Variants in TMEFF2 observed in about 807,000 individuals in gnomAD.
TMEFF2 encodes the protein transmembrane protein with EGF like and two follistatin like domains 2.
In TMEFF2, 28 loss-of-function variants were observed where a neutral mutation model predicts 53.8. The ratio of observed to expected loss-of-function variants is 0.52; its 90% CI spans 0.39 to 0.71. TMEFF2 has a LOEUF of 0.71. TMEFF2 is among the 30% of genes least tolerant of loss of function. The pLI, the probability that TMEFF2 is intolerant of heterozygous loss-of-function variation, is 0.00. For synonymous variants in TMEFF2, 162 were observed against 166.3 expected (o/e 0.97, Z 0.20); for missense variants, 353 against 455.2 (o/e 0.78, Z 2.04).
intron 7 of TMEFF2, among the ~76,000 whole-genome samples, chr2:191,979,302 A>T (rs1685802862): frequency 6.6e-6 from 1 of 152,186 alleles, no homozygotes; most frequent in Non-Finnish European, 1.5e-5. Context: ...CAAATACTTG[A>T]TAGGAAGTTC....
At chr2:192,120,741 A>AT (rs751471511) in intron 4 of TMEFF2, among the ~76,000 whole-genome samples, 2,838 of 145,206 alleles carry the variant, frequency 0.02, 63 homozygotes, top group African/African-American at 0.052. Flanking sequence ...TTGAATAAAC[A>AT]TTTTTTTTTT....
intron 4 of TMEFF2, among the ~76,000 whole-genome samples, chr2:192,152,080 C>T (rs1456803792): frequency 1.3e-5 from 2 of 151,726 alleles, no homozygotes; most frequent in African/African-American, 4.8e-5. Context: ...AATGTGTTAC[C>T]CACAAAAGAA....
At chr2:192,081,094 T>G (rs923243133) in intron 4 of TMEFF2, among the ~76,000 whole-genome samples, 1 of 152,194 alleles carries the variant, frequency 6.6e-6, no homozygotes, top group African/African-American at 2.4e-5. Context: ...GTAACAGGTA[T>G]TTTCGGATGC....
rs150832166 is a variant in TMEFF2 at position 192,039,980 on chromosome 2, C to T, written c.536+17699G>A. ...TCAAGTTTTAACAAAGAATCACCTA[C>T]AATTTTACAAGTTTATCAGTAATAA... is the stretch of plus-strand genomic sequence containing the variant. On this transcript the variant is annotated intron_variant, in intron 5 of 9. Coordinates refer to ENST00000272771, the MANE Select transcript of TMEFF2 (RefSeq NM_016192.4). Among the ~76,000 whole-genome samples the T allele has an allele frequency of 2.6e-5, 4 of 152,034 alleles. 1 individual carries two copies. The highest frequency in any genetic ancestry group is 4.4e-5 in the Non-Finnish European group (3 of 67,928).
chr2:192,070,930 C>T (rs540393433), intron 4 of TMEFF2, among the ~76,000 whole-genome samples: 2 of 151,880 alleles, frequency 1.3e-5, no homozygotes, highest in South Asian at 4.1e-4. Flanking sequence ...GACTGGGTCA[C>T]ATTATTTATT....
chr2:191,981,337 T>TG (rs924330333), intron 7 of TMEFF2, among the ~76,000 whole-genome samples: 254 of 151,374 alleles, frequency 1.7e-3, no homozygotes, highest in African/African-American at 5.4e-3. Flanking sequence ...TCTATAACAT[T>TG]TTTTCTCTTC....
chr2:192,098,838 T>C (rs1688973136), intron 4 of TMEFF2, among the ~76,000 whole-genome samples: 1 of 152,178 alleles, frequency 6.6e-6, no homozygotes, highest in Admixed American at 6.6e-5. Context: ...TTAGAATAAG[T>C]CTTGAGAAGA....
chr2:192,163,919 G>A (rs575028656), intron 4 of TMEFF2, among the ~76,000 whole-genome samples: 2 of 152,214 alleles, frequency 1.3e-5, no homozygotes, highest in East Asian at 3.9e-4. Context: ...AAAGGAATGG[G>A]AAATAATGAG....
chr2:192,084,718 C>T (rs78937410), intron 4 of TMEFF2, among the ~76,000 whole-genome samples: 1,776 of 151,982 alleles, frequency 0.012, 30 homozygotes, highest in African/African-American at 0.04. Context: ...AATGAGATAC[C>T]GCCAAAAAAG....
rs1402225803 is a variant in TMEFF2, at chr2:192,105,378, A to AAAAT, written c.440-47604_440-47603insATTT. ...TATTTTAAGCAGATATTTTTGAAAT[A>AAAAT]TTATAGGTAAAATTAATAACAGCTA... is the stretch of plus-strand genomic sequence containing the variant. On this transcript the variant is annotated intron_variant, in intron 4 of 9. Transcript: ENST00000272771. Among the ~76,000 whole-genome samples, 211 of 152,110 alleles carry AAAAT rather than the reference A, an allele frequency of 1.4e-3. 1 individual carries two copies. Among genetic ancestry groups the AAAAT allele is most frequent in the African/African-American group, 5.0e-3 (206 of 41,560 alleles).
At chr2:191,979,842 C>CTCTATCTATCTATCTATCTA (rs945433067) in intron 7 of TMEFF2, among the ~76,000 whole-genome samples, 18 of 147,344 alleles carry the variant, frequency 1.2e-4, no homozygotes, top group African/African-American at 4.8e-4. Context: ...CTATATATAT[C>CTCTATCTATCTATCTATCTA]TCTATCTATC....
intron 4 of TMEFF2, among the ~76,000 whole-genome samples, chr2:192,162,573 A>C (rs1177552865): frequency 6.6e-6 from 1 of 152,128 alleles, no homozygotes; most frequent in African/African-American, 2.4e-5. Flanking sequence ...AAACCTACAA[A>C]ATTTACTTTT....
At chr2:192,093,894 G>T (rs752351613) in intron 4 of TMEFF2, among the ~76,000 whole-genome samples, 1 of 152,048 alleles carries the variant, frequency 6.6e-6, no homozygotes, top group Admixed American at 6.6e-5. Context: ...AAAAAAAAGC[G>T]AAGTGAAAGG....
intron 3 of TMEFF2, among the ~76,000 whole-genome samples, chr2:192,181,631 G>A (rs1415717438): frequency 2.6e-5 from 4 of 151,672 alleles, no homozygotes; most frequent in South Asian, 4.1e-4. Context: ...CTTAAGCACT[G>A]TCAGGAACAT....
intron 4 of TMEFF2, among the ~76,000 whole-genome samples, chr2:192,117,473 A>G (rs1356080646): frequency 6.6e-6 from 1 of 152,132 alleles, no homozygotes; most frequent in Non-Finnish European, 1.5e-5. Flanking sequence ...GGGGAAAGGA[A>G]AAACAATGAG....
chr2:192,144,770 C>G (rs1459055756), intron 4 of TMEFF2, among the ~76,000 whole-genome samples: 5 of 151,896 alleles, frequency 3.3e-5, no homozygotes, highest in Admixed American at 2.0e-4. Context: ...GATAATGTTC[C>G]TGTACATGCT....
intron 5 of TMEFF2, among the ~76,000 whole-genome samples, chr2:192,017,914 C>T (rs1156848017): frequency 6.6e-6 from 1 of 152,208 alleles, no homozygotes; most frequent in South Asian, 2.1e-4. Flanking sequence ...TTGGCATCTA[C>T]ATCCACCTAG....
intron 5 of TMEFF2, among the ~76,000 whole-genome samples, chr2:192,041,049 T>C (rs935369536): frequency 1.3e-5 from 2 of 152,066 alleles, no homozygotes; most frequent in Non-Finnish European, 2.9e-5. Flanking sequence ...AAATATTTGC[T>C]CCCTTGGGTT....
At chr2:192,032,590 G>C (rs1175905843) in intron 5 of TMEFF2, 1 of 152,174 alleles carries the variant, frequency 6.6e-6, no homozygotes, top group African/African-American at 2.4e-5. Context: ...GTAATACAAA[G>C]AGACAGGATT....
Sources: gnomAD v4.1 joint callset for allele counts (sites outside exome capture counted in the v4.1 genomes callset) on GRCh38, gnomAD v4.1.1 for gene constraint, MANE v1.5 for transcripts, NCBI Gene and HGNC (gene_info 2026-07-23, HGNC 2026-07-21) for gene names.